Variants in TANC2 observed in about 807,000 individuals in gnomAD.
The protein encoded by TANC2 is tetratricopeptide repeat, ankyrin repeat and coiled-coil containing 2.
A neutral mutation model predicts 210.5 loss-of-function variants in TANC2; 26 were observed. The observed-to-expected ratio is 0.12, with a 90% CI of 0.09 to 0.17. The LOEUF (loss-of-function observed/expected upper bound fraction) is 0.17. Ranked by LOEUF, TANC2 falls within the 10% of genes least tolerant of loss-of-function variation. TANC2 has a pLI of 1.00. For missense variants in TANC2, 2,129 were observed against 2,608.9 expected (o/e 0.82, Z 4.01); for synonymous variants, 931 against 967.1 (o/e 0.96, Z 0.69).
chr17:63,264,911 A>C (rs1465242671), intron 8 of TANC2, among the ~76,000 whole-genome samples: 2 of 152,150 alleles, frequency 1.3e-5, no homozygotes, highest in Non-Finnish European at 2.9e-5. Flanking sequence ...GTGAGCCATG[A>C]CTGCACCACT....
intron 8 of TANC2, among the ~76,000 whole-genome samples, chr17:63,262,999 C>T (rs1222154826): frequency 3.3e-5 from 5 of 152,036 alleles, no homozygotes; most frequent in African/African-American, 9.6e-5. Flanking sequence ...GTTTAAGTTC[C>T]CTAAACTAGC....
intron 4 of TANC2, among the ~76,000 whole-genome samples, chr17:63,120,204 C>T (rs1043005824): frequency 6.6e-6 from 1 of 151,182 alleles, no homozygotes; most frequent in African/African-American, 2.4e-5. Flanking sequence ...TTATATATTC[C>T]TTAAAGATTG....
At chr17:63,236,557 T>C (rs2042626485) in intron 7 of TANC2, among the ~76,000 whole-genome samples, 1 of 152,104 alleles carries the variant, frequency 6.6e-6, no homozygotes, top group African/African-American at 2.4e-5. Flanking sequence ...ATGCATAAAT[T>C]GCGTAGTGGT....
intron 2 of TANC2, among the ~76,000 whole-genome samples, chr17:63,020,418 C>G (rs1214113423): frequency 1.3e-5 from 2 of 152,120 alleles, no homozygotes; most frequent in Non-Finnish European, 2.9e-5. Context: ...ATCCTCCTGC[C>G]TCAGCCTCCT....
intron 1 of TANC2, among the ~76,000 whole-genome samples, chr17:62,995,901 T>A (rs2033084992): frequency 6.6e-6 from 1 of 152,208 alleles, no homozygotes; most frequent in Non-Finnish European, 1.5e-5. Context: ...AAGACCACAA[T>A]GAACAGTGAT....
chr17:62,975,792 A>G (rs1371798462), intron 1 of TANC2, among the ~76,000 whole-genome samples: 1 of 152,110 alleles, frequency 6.6e-6, no homozygotes, highest in African/African-American at 2.4e-5. Flanking sequence ...CAGGGTTTTT[A>G]TGATGATGAA....
intron 4 of TANC2, among the ~76,000 whole-genome samples, chr17:63,133,126 A>C (rs1020132562): frequency 6.6e-6 from 1 of 152,176 alleles, no homozygotes; most frequent in Non-Finnish European, 1.5e-5. Context: ...GGTGTGTGCC[A>C]CCACGCCTGG....
At chr17:63,178,778 G>T (rs1178675129) in intron 5 of TANC2, among the ~76,000 whole-genome samples, 1 of 152,222 alleles carries the variant, frequency 6.6e-6, no homozygotes, top group Non-Finnish European at 1.5e-5. Context: ...AAAGAATGCT[G>T]AGAATTAAGA....
intron 2 of TANC2, among the ~76,000 whole-genome samples, chr17:63,023,569 C>G (rs756602438): frequency 1.3e-4 from 20 of 152,102 alleles, no homozygotes; most frequent in Non-Finnish European, 2.5e-4. Context: ...TTGGGACTTG[C>G]TTGGGGCTGA....
At chr17:63,401,070 T>C (rs1192482042) in intron 19 of TANC2, among the ~76,000 whole-genome samples, 1 of 152,222 alleles carries the variant, frequency 6.6e-6, no homozygotes, top group Non-Finnish European at 1.5e-5. Flanking sequence ...TGGACTTTGA[T>C]TTACTGTTCT....
chr17:63,110,556 G>A lies in TANC2; in HGVS notation c.322+11199G>A, dbSNP rs182464918. On this transcript the variant is annotated intron_variant, in intron 4 of 27. Transcript: ENST00000689528. ...GGTTGTCTGGTGAGGGCTGCTGTCT[G>A]CTTCCAAGATAACACCTTGTTGCTG... Among the ~76,000 whole-genome samples, 3 of 148,300 alleles carry A rather than the reference G, an allele frequency of 2.0e-5. 1 individual carries two copies. Among genetic ancestry groups the A allele is most frequent in the Admixed American group, 2.0e-4 (3 of 15,132 alleles).
intron 3 of TANC2, among the ~76,000 whole-genome samples, chr17:63,087,801 G>T (rs749355158): frequency 6.6e-6 from 1 of 152,094 alleles, no homozygotes; most frequent in Non-Finnish European, 1.5e-5. Context: ...CTTCTGTATT[G>T]GTTCCCACTG....
intron 7 of TANC2, among the ~76,000 whole-genome samples, chr17:63,218,693 C>T (rs2042087667): frequency 6.6e-6 from 1 of 152,002 alleles, no homozygotes; most frequent in South Asian, 2.1e-4. Context: ...GTCAGGAGTT[C>T]GAGACCAGCC....
chr17:63,415,586 G>C, exon 26 of TANC2: 1 of 1,613,844 alleles, frequency 6.2e-7, no homozygotes, highest in South Asian at 1.1e-5. Context: ...AAGTTCCCTA[G>C]AGAAGGGTTT....
At chr17:63,325,842 A>G (rs1273656524) in intron 11 of TANC2, among the ~76,000 whole-genome samples, 3 of 152,234 alleles carry the variant, frequency 2.0e-5, no homozygotes, top group Non-Finnish European at 2.9e-5. Flanking sequence ...AATTCCACCA[A>G]TCCTCTAAGA....
intron 2 of TANC2, among the ~76,000 whole-genome samples, chr17:63,025,711 G>A (rs368233226): frequency 9.9e-5 from 15 of 151,966 alleles, no homozygotes; most frequent in African/African-American, 3.6e-4. Context: ...CATGAGAATC[G>A]CTTGAACCTG....
chr17:63,255,727 G>A (rs2043174498), intron 8 of TANC2, among the ~76,000 whole-genome samples: 1 of 151,138 alleles, frequency 6.6e-6, no homozygotes, highest in African/African-American at 2.4e-5. Context: ...CTAAAAGTTT[G>A]TCAATTTTAT....
chr17:63,018,128 T>C (rs2034187567), intron 2 of TANC2, among the ~76,000 whole-genome samples: 1 of 151,204 alleles, frequency 6.6e-6, no homozygotes, highest in Non-Finnish European at 1.5e-5. Context: ...ACCCTGTCTA[T>C]GAAAAAAAAA....
intron 9 of TANC2, among the ~76,000 whole-genome samples, chr17:63,299,621 G>A (rs112577943): frequency 6.6e-6 from 1 of 150,534 alleles, no homozygotes. Flanking sequence ...CCACTTTTTG[G>A]TGGGGTTGTT....
Sources: gnomAD v4.1 joint callset for allele counts (sites outside exome capture counted in the v4.1 genomes callset) on GRCh38, gnomAD v4.1.1 for gene constraint, MANE v1.5 for transcripts, NCBI Gene and HGNC (gene_info 2026-07-23, HGNC 2026-07-21) for gene names.